The following CPHXL2 variants were observed in gnomAD, a reference collection of about 807,000 sequenced individuals.
CPHXL2 encodes cytoplasmic polyadenylated homeobox-like protein 2.
the CPHXL2 span, among the ~76,000 whole-genome samples, chr16:75,671,880 G>A: frequency 6.6e-6 from 1 of 152,190 alleles, no homozygotes; most frequent in African/African-American, 2.4e-5. Flanking sequence ...AAATCAGGGG[G>A]GCTTGCAGCC....
chr16:75,662,766 G>T, the CPHXL2 span, among the ~76,000 whole-genome samples: 2 of 150,902 alleles, frequency 1.3e-5, no homozygotes, highest in Admixed American at 6.6e-5. Flanking sequence ...TGTATCCCAA[G>T]AAGCTATGGT....
chr16:75,672,676 G>T, the CPHXL2 span, among the ~76,000 whole-genome samples: 1 of 152,066 alleles, frequency 6.6e-6, no homozygotes, highest in Admixed American at 6.5e-5. Flanking sequence ...GTAGAGACAG[G>T]CCTTCACCAT....
At chr16:75,673,099 CAA>C in the CPHXL2 span, among the ~76,000 whole-genome samples, 2 of 95,456 alleles carry the variant, frequency 2.1e-5, no homozygotes, top group Non-Finnish European at 4.2e-5. Context: ...AAAAAAAAGA[CAA>C]AAAAAAGAAA....
the CPHXL2 span, among the ~76,000 whole-genome samples, chr16:75,672,777 C>T: frequency 0.041 from 6,273 of 152,222 alleles, 156 homozygotes; most frequent in South Asian, 0.05. Flanking sequence ...GCGTGAGCCA[C>T]CACACCCAGC....
At chr16:75,666,269 C>CGTTTATAAAA in the CPHXL2 span, among the ~76,000 whole-genome samples, 422 of 152,146 alleles carry the variant, frequency 2.8e-3, no homozygotes, top group Non-Finnish European at 4.4e-3. Context: ...GCTGGAGTTC[C>CGTTTATAAAA]CAAATTTATA....
At chr16:75,670,711 G>T in the CPHXL2 span, among the ~76,000 whole-genome samples, 74 of 152,168 alleles carry the variant, frequency 4.9e-4, no homozygotes, top group Admixed American at 1.1e-3. Context: ...GGCCAAGGCT[G>T]ATCTCCAACT....
At chr16:75,666,359 C>T in the CPHXL2 span, among the ~76,000 whole-genome samples, 6 of 152,050 alleles carry the variant, frequency 3.9e-5, no homozygotes, top group Admixed American at 3.9e-4. Context: ...TGGTGGCTCA[C>T]ACTGTAATCC....
the CPHXL2 span, among the ~76,000 whole-genome samples, chr16:75,671,943 G>C: frequency 3.6e-4 from 55 of 152,128 alleles, no homozygotes; most frequent in African/African-American, 1.3e-3. Context: ...GGCTAGAATG[G>C]GGCGAGCCAT....
chr16:75,671,881 G>T, the CPHXL2 span, among the ~76,000 whole-genome samples: 1 of 152,168 alleles, frequency 6.6e-6, no homozygotes, highest in Admixed American at 6.5e-5. Context: ...AATCAGGGGG[G>T]CTTGCAGCCA....
At chr16:75,676,027 C>T in the CPHXL2 span, among the ~76,000 whole-genome samples, 3 of 151,782 alleles carry the variant, frequency 2.0e-5, no homozygotes, top group Non-Finnish European at 4.4e-5. Flanking sequence ...TGCAGTGAGC[C>T]GAGATCGCGC....
chr16:75,661,524 A>G, the CPHXL2 span, among the ~76,000 whole-genome samples: 1 of 151,808 alleles, frequency 6.6e-6, no homozygotes, highest in Admixed American at 6.6e-5. Flanking sequence ...GCTGTCTGGA[A>G]TCTATCTCCA....
At chr16:75,669,548 C>T in the CPHXL2 span, 1 of 398,620 alleles carries the variant, frequency 2.5e-6, no homozygotes, top group Non-Finnish European at 4.4e-6. Flanking sequence ...TCCTCTTCAG[C>T]TGGGAAAGCT....
At chr16:75,675,951 C>T in the CPHXL2 span, among the ~76,000 whole-genome samples, 9 of 151,884 alleles carry the variant, frequency 5.9e-5, no homozygotes, top group Admixed American at 1.3e-4. Context: ...TGGTGGTGGG[C>T]GTCTGTAATC....
chr16:75,661,031 C>G, the CPHXL2 span: 4 of 400,578 alleles, frequency 1.0e-5, no homozygotes, highest in South Asian at 2.5e-4. Flanking sequence ...GACAGGCAAT[C>G]CTCTGTTTCT....
chr16:75,662,739 G>A, the CPHXL2 span, among the ~76,000 whole-genome samples: 1 of 151,340 alleles, frequency 6.6e-6, no homozygotes, highest in Non-Finnish European at 1.5e-5. Context: ...GGGAGGCAGA[G>A]ATGAGAAAAT....
chr16:75,672,908 A>G, the CPHXL2 span, among the ~76,000 whole-genome samples: 2 of 151,614 alleles, frequency 1.3e-5, no homozygotes, highest in African/African-American at 2.4e-5. Flanking sequence ...AACAAAAACA[A>G]AAAACAAAAA....
the CPHXL2 span, among the ~76,000 whole-genome samples, chr16:75,670,640 C>G: frequency 6.6e-6 from 1 of 152,134 alleles, no homozygotes. Flanking sequence ...TCCTGAGTAG[C>G]TGGGACTACC....
chr16:75,670,203 C>T, the CPHXL2 span, among the ~76,000 whole-genome samples: 23 of 152,308 alleles, frequency 1.5e-4, no homozygotes, highest in East Asian at 4.0e-3. Flanking sequence ...GGTGAGCCAC[C>T]GCGCCGGCTG....
the CPHXL2 span, among the ~76,000 whole-genome samples, chr16:75,665,715 T>C: frequency 5.3e-5 from 8 of 152,020 alleles, no homozygotes; most frequent in African/African-American, 1.9e-4. Context: ...ATACAAAAAT[T>C]ATCTGGACAT....
Sources: allele counts gnomAD v4.1 joint callset (sites outside exome capture counted in the v4.1 genomes callset), GRCh38; gene constraint gnomAD v4.1.1; transcripts MANE v1.5; gene names NCBI Gene and HGNC (gene_info 2026-07-23, HGNC 2026-07-21).